Variants in ABCC6 observed in about 807,000 individuals in gnomAD.
ABCC6 encodes the protein ATP-binding cassette sub-family C member 6.
A neutral mutation model predicts 169.5 loss-of-function variants in ABCC6; 126 were observed. The ratio of observed to expected loss-of-function variants is 0.74; its 90% CI spans 0.64 to 0.86. ABCC6 has a LOEUF of 0.86. Ranked by LOEUF, ABCC6 falls within the 40% of genes least tolerant of loss-of-function variation. The pLI is 0.00. For missense variants in ABCC6, 1,733 were observed against 1,927.2 expected, an observed-to-expected ratio of 0.90 and a Z score of 1.89; for synonymous variants, 752 against 814.7, an observed-to-expected ratio of 0.92 and a Z score of 1.31.
At chr16:16,152,729 G>T (rs898950379) in intron 29 of ABCC6, among the ~76,000 whole-genome samples, 34 of 148,012 alleles carry the variant, frequency 2.3e-4, no homozygotes, top group Non-Finnish European at 3.6e-4. Flanking sequence ...GGGCGGGGGT[G>T]GGGGTGTGGG....
intron 21 of ABCC6, among the ~76,000 whole-genome samples, chr16:16,172,127 A>AGGGGGTGGG (rs2047114362): frequency 2.3e-4 from 21 of 92,998 alleles, no homozygotes; most frequent in East Asian, 3.8e-4. Flanking sequence ...TGGATAAATG[A>AGGGGGTGGG]ATGGATGGGA....
chr16:16,149,841 G>A lies in ABCC6; in HGVS notation c.*292C>T. ...GCCGGGAGCCTGGGCATGTGCTTGA[G>A]GCCCCCAGGTGAGTCCAGAGTACAG... On this transcript the variant is annotated 3_prime_UTR_variant, in exon 31 of 31. Coordinates refer to ENST00000205557, the MANE Select transcript of ABCC6 (RefSeq NM_001171.6). 1.9e-6 allele frequency: 1 copy of A among 518,304 alleles called. No homozygotes were observed. Among genetic ancestry groups the A allele is most frequent in the South Asian group, 2.1e-5 (1 of 47,556 alleles). The allele number at this position is 518,304 out of a possible 1,614,324, so 32.1% of individuals were successfully genotyped here. A position where few individuals can be genotyped will look rare whatever the true frequency, so the allele number is the denominator to read the frequency against.
Position 16,150,061 on chromosome 16 carries a change from C to T in ABCC6, c.*72G>A, listed in dbSNP as rs1192699781. ...TATCGTGTGGAGCTATCGATGACCACGGGTCACTTCCATCTCCAGCACTGC... is the reference window on the plus strand; with the variant it reads ...TATCGTGTGGAGCTATCGATGACCATGGGTCACTTCCATCTCCAGCACTGC... On this transcript the variant is annotated 3_prime_UTR_variant, in exon 31 of 31. Coordinates refer to ENST00000205557, the MANE Select transcript of ABCC6 (RefSeq NM_001171.6). The T allele has an allele frequency of 9.4e-6, 15 of 1,593,084 alleles. No individual in the cohort carries two copies. The highest frequency in any genetic ancestry group is 5.6e-5 in the South Asian group (5 of 88,944).
At chr16:16,214,520 G>A (rs1210738681) in intron 4 of ABCC6, 71 bp from the exon 5 acceptor site, 1 of 1,550,814 alleles carries the variant, frequency 6.4e-7, no homozygotes, top group Non-Finnish European at 8.7e-7. Flanking sequence ...AAAGGTTTCT[G>A]ATCTTGGGTC....
At chr16:16,197,978 G>T (rs746767833) in intron 10 of ABCC6, 43 bp downstream of exon 10, 10 of 1,582,474 alleles carry the variant, frequency 6.3e-6, no homozygotes, top group African/African-American at 2.7e-5. Flanking sequence ...GAAGGAGGGG[G>T]TGGGGGACTC....
At chr16:16,179,176 A>T (rs1191929389) in intron 17 of ABCC6, among the ~76,000 whole-genome samples, 1 of 152,040 alleles carries the variant, frequency 6.6e-6, no homozygotes, top group East Asian at 1.9e-4. Flanking sequence ...CCACTTCCCA[A>T]GCACGCTTCC....
intron 24 of ABCC6, among the ~76,000 whole-genome samples, chr16:16,162,118 G>A (rs1567474826): frequency 6.6e-6 from 1 of 152,108 alleles, no homozygotes; most frequent in East Asian, 1.9e-4. Flanking sequence ...GTTTCCTGAG[G>A]CCTCCCCAGC....
chr16:16,215,438 G>GGTGTGTGTGTGT (rs56229208), intron 4 of ABCC6, among the ~76,000 whole-genome samples: 1 of 136,932 alleles, frequency 7.3e-6, no homozygotes, highest in African/African-American at 2.8e-5. Context: ...TTTAATTTTA[G>GGTGTGTGTGTGT]GTGTGTGTGT....
chr16:16,150,479 C>G, intron 30 of ABCC6, 99 bp downstream of exon 30: 2 of 1,515,186 alleles, frequency 1.3e-6, no homozygotes, highest in African/African-American at 2.7e-5. Flanking sequence ...CAGGACCCCT[C>G]CAGCTCTAAC....
chr16:16,166,171 C>G (rs948974942), intron 22 of ABCC6, among the ~76,000 whole-genome samples: 4 of 152,180 alleles, frequency 2.6e-5, no homozygotes, highest in African/African-American at 9.7e-5. Flanking sequence ...CCGCCTCACC[C>G]TCCGAGTAGC....
At chr16:16,167,214 A>G (rs1020423614) in intron 22 of ABCC6, among the ~76,000 whole-genome samples, 1 of 152,198 alleles carries the variant, frequency 6.6e-6, no homozygotes, top group Non-Finnish European at 1.5e-5. Context: ...GGCCAATGAC[A>G]GGGAGACCTG....
intron 29 of ABCC6, among the ~76,000 whole-genome samples, chr16:16,151,609 G>A (rs543701186): frequency 6.6e-5 from 10 of 152,238 alleles, no homozygotes; most frequent in East Asian, 5.8e-4. Context: ...GTGATCCACC[G>A]TGCCTGGCCT....
At chr16:16,196,965 T>C (rs1318867142) in intron 10 of ABCC6, among the ~76,000 whole-genome samples, 2 of 152,146 alleles carry the variant, frequency 1.3e-5, no homozygotes, top group Non-Finnish European at 2.9e-5. Context: ...TTGCTGAGAT[T>C]ATAGGCATGA....
Position 16,154,934 on chromosome 16 carries a change from C to G in ABCC6, c.3980G>C (p.Gly1327Ala), listed in dbSNP as rs57695665. ...EAAEGGIWID[G>A]VPIAHVGLHT... ...CAGCCCCACGTGGGCAATGGGGACC[C>G]CGTCGATCCAGATCCCACCCTCAGC... Residue 1327 changes from glycine (G) to alanine (A), a missense_variant, in exon 28 of 31, where the codon GGG becomes GCG. Physicochemically the swap from Gly to Ala is moderately conservative, Grantham distance 60. Coordinates refer to ENST00000205557, the MANE Select transcript of ABCC6 (RefSeq NM_001171.6). The G allele has an allele frequency of 1.9e-6, 3 of 1,601,890 alleles. No homozygotes were observed. The highest frequency in any genetic ancestry group is 2.6e-6 in the Non-Finnish European group (3 of 1,174,476).
At chr16:16,170,941 AGAAAG>A (rs149574717) in intron 21 of ABCC6, among the ~76,000 whole-genome samples, 1,045 of 86,074 alleles carry the variant, frequency 0.012, 119 homozygotes, top group Non-Finnish European at 0.015. Context: ...AAAAAAAAAA[AGAAAG>A]AAAGAAAGAA....
intron 10 of ABCC6, among the ~76,000 whole-genome samples, chr16:16,193,479 G>A (rs1006205400): frequency 1.4e-4 from 21 of 152,050 alleles, no homozygotes; most frequent in South Asian, 6.2e-4. Flanking sequence ...TTGGGAGGCC[G>A]GAGGCGGGCA....
At position 16,159,547 on chromosome 16, in the gene ABCC6, T is replaced by C. The variant is rs920811008; in HGVS notation, c.3670A>G (p.Thr1224Ala). The C allele has an allele frequency of 7.4e-6, 12 of 1,613,990 alleles. No individual in the cohort carries two copies. The highest frequency in any genetic ancestry group is 1.7e-5 in the Admixed American group (1 of 59,998). The change falls in exon 26 of 31, where the codon ACA becomes GCA. Residue 1224 changes from threonine to alanine, a missense_variant. Transcript: ENST00000205557. ...QTLQWVVRNW[T>A]DLENSIVSVE... ...GACACGATGCTGTTCTCTAGGTCTGTCCAGTTGCGAACAACCCACTGCAGT... is the reference window on the plus strand; with the variant it reads ...GACACGATGCTGTTCTCTAGGTCTGCCCAGTTGCGAACAACCCACTGCAGT...
At chr16:16,206,342 AGGCCG>A (rs973663564) in intron 7 of ABCC6, among the ~76,000 whole-genome samples, 16 of 152,086 alleles carry the variant, frequency 1.1e-4, no homozygotes, top group Non-Finnish European at 2.1e-4. Flanking sequence ...GGAGTGGTGG[AGGCCG>A]GGCACGGTGG....
In ABCC6 at chr16:16,203,468, C is replaced by T; in HGVS notation, c.940G>A (p.Gly314Arg). The stretch of plus-strand genomic sequence containing the variant: ...TCACTGATGATGAGGCTGAGGGTCC[C>T]CAGGAGGAAGGTAGAATGGAACACC... ...WQVFHSTFLL[G>R]TLSLIISDVF... The change falls in exon 8 of 31, where the codon GGG becomes AGG. Residue 314 changes from glycine to arginine, a missense_variant. Gly to Arg is a moderately radical substitution (Grantham distance 125, BLOSUM62 -2). Coordinates refer to ENST00000205557, the MANE Select transcript of ABCC6 (RefSeq NM_001171.6). 1 of 1,613,954 alleles carries T rather than the reference C, an allele frequency of 6.2e-7. No individual in the cohort carries two copies. The highest frequency in any genetic ancestry group is 8.5e-7 in the Non-Finnish European group (1 of 1,179,868).
Sources: allele counts gnomAD v4.1 joint callset (sites outside exome capture counted in the v4.1 genomes callset), GRCh38; gene constraint gnomAD v4.1.1; transcripts MANE v1.5; gene names NCBI Gene and HGNC (gene_info 2026-07-23, HGNC 2026-07-21).